PARD3B: variants seen among roughly 807,000 people sequenced by gnomAD.
PARD3B encodes the protein par-3 family cell polarity regulator beta, also known as partitioning defective 3 homolog B.
A neutral mutation model predicts 130.2 loss-of-function variants in PARD3B; 103 were observed. The observed-to-expected ratio is 0.79, with a 90% CI of 0.67 to 0.93. The LOEUF (loss-of-function observed/expected upper bound fraction) is 0.93. Ranked by LOEUF, PARD3B falls within the 40% of genes least tolerant of loss-of-function variation. The pLI is 0.00. For missense variants in PARD3B, 1,609 were observed against 1,499.2 expected, an observed-to-expected ratio of 1.07 and a Z score of -1.21; for synonymous variants, 583 against 553.2, an observed-to-expected ratio of 1.05 and a Z score of -0.76.
intron 22 of PARD3B, among the ~76,000 whole-genome samples, chr2:205,609,426 A>G (rs2055145922): frequency 6.6e-6 from 1 of 152,176 alleles, no homozygotes; most frequent in Non-Finnish European, 1.5e-5. Flanking sequence ...CTTTCTGCCA[A>G]CGGGTACAGG....
intron 2 of PARD3B, among the ~76,000 whole-genome samples, chr2:204,804,414 A>G (rs1448277579): frequency 6.6e-6 from 1 of 152,214 alleles, no homozygotes; most frequent in Non-Finnish European, 1.5e-5. Context: ...GTCATTATAT[A>G]ATGATAAAGG....
chr2:205,466,468 T>C (rs1559120151), intron 20 of PARD3B, among the ~76,000 whole-genome samples: 1 of 152,152 alleles, frequency 6.6e-6, no homozygotes, highest in Non-Finnish European at 1.5e-5. Context: ...GAGAAATCTC[T>C]TGCACCTTAG....
rs1001260783 is a variant in PARD3B at position 204,907,933 on chromosome 2, C to T, written c.223-57219C>T. On this transcript the variant is annotated intron_variant, in intron 2 of 22. Transcript: ENST00000406610. This position sits in a 1 kb window ranked among gnomAD's most constrained non-coding sequence, Gnocchi z 5.7. ...GCCAGGCTGGTCTCAAACTCCTGGC[C>T]TCAAGTGACCTGCCTGCCTCAGCCT... is the stretch of plus-strand genomic sequence containing the variant. 6.6e-6 allele frequency among the ~76,000 whole-genome samples: 1 copy of T among 152,088 alleles called. No homozygotes were observed. Among genetic ancestry groups the T allele is most frequent in the Non-Finnish European group, 1.5e-5 (1 of 68,028 alleles).
chr2:205,483,791 A>C (rs1575133462), intron 20 of PARD3B, among the ~76,000 whole-genome samples: 1 of 152,274 alleles, frequency 6.6e-6, no homozygotes, highest in South Asian at 2.1e-4. Flanking sequence ...ATTCAATTTA[A>C]ACCTTGAGGC....
chr2:205,322,444 G>A (rs564936690), intron 18 of PARD3B, among the ~76,000 whole-genome samples: 15 of 152,224 alleles, frequency 9.9e-5, no homozygotes, highest in African/African-American at 3.6e-4. Context: ...TATCTGTTGA[G>A]GACCAGCACT....
chr2:205,361,900 C>A (rs922492084), intron 18 of PARD3B, among the ~76,000 whole-genome samples: 1 of 152,134 alleles, frequency 6.6e-6, no homozygotes, highest in Non-Finnish European at 1.5e-5. Flanking sequence ...CACCCCCAGG[C>A]GTGGAGCCAA....
rs116639345 is a variant in PARD3B at position 205,018,411 on chromosome 2, T to C, written c.395-29170T>C. ...AGGAAAGAAGTTAGGAGACCAACAT[T>C]CTACCACTTAGTAGCCCTATGACTA... On this transcript the variant is annotated intron_variant, in intron 3 of 22. Coordinates refer to ENST00000406610, the MANE Select transcript of PARD3B (RefSeq NM_001302769.2). 3.6e-3 allele frequency among the ~76,000 whole-genome samples: 549 copies of C among 152,240 alleles called. 2 individuals are homozygous for C. The highest frequency in any genetic ancestry group is 0.012 in the African/African-American group (498 of 41,558).
intron 18 of PARD3B, among the ~76,000 whole-genome samples, chr2:205,384,645 G>A (rs918147545): frequency 6.6e-6 from 1 of 152,114 alleles, no homozygotes; most frequent in Non-Finnish European, 1.5e-5. Context: ...TTAATTTGTG[G>A]TATGGGGAGA....
intron 10 of PARD3B, among the ~76,000 whole-genome samples, chr2:205,136,079 TATATGAAGG>T (rs753832176): frequency 4.5e-4 from 68 of 152,328 alleles, no homozygotes; most frequent in Admixed American, 9.8e-4. Context: ...CTGATTGAGT[TATATGAAGG>T]ACTTCTATCA....
At chr2:205,516,236 C>A (rs1043154322) in intron 21 of PARD3B, among the ~76,000 whole-genome samples, 2 of 152,114 alleles carry the variant, frequency 1.3e-5, no homozygotes, top group Non-Finnish European at 2.9e-5. Flanking sequence ...CATGATACCT[C>A]CTGCTTTGTT....
rs574606988 is a variant in PARD3B, at chr2:205,407,926, G to T, written c.2741+6803G>T. 6.6e-5 allele frequency among the ~76,000 whole-genome samples: 10 copies of T among 152,114 alleles called. No individual in the cohort carries two copies. The highest frequency in any genetic ancestry group is 8.8e-5 in the Non-Finnish European group (6 of 67,984). ...GTTGTATTAATTAAACATTGCTTTC[G>T]TAGATCTTACTAGAATCTTAGCAGG... On this transcript the variant is annotated intron_variant, in intron 19 of 22. Coordinates refer to ENST00000406610, the MANE Select transcript of PARD3B (RefSeq NM_001302769.2). The surrounding 1 kb of genome is among the most constrained non-coding windows in gnomAD (Gnocchi z 4.1).
chr2:204,936,547 A>C (rs754255962), intron 2 of PARD3B, among the ~76,000 whole-genome samples: 51 of 152,170 alleles, frequency 3.4e-4, no homozygotes, highest in Non-Finnish European at 6.3e-4. Flanking sequence ...TAATAATCCC[A>C]TTGAAAAATA....
intron 10 of PARD3B, among the ~76,000 whole-genome samples, chr2:205,152,256 G>A (rs1319531466): frequency 2.6e-5 from 4 of 152,110 alleles, no homozygotes; most frequent in African/African-American, 9.7e-5. Flanking sequence ...CTCTTCTCAA[G>A]GAGTATCTTT....
At chr2:204,731,920 C>T (rs1233192014) in intron 2 of PARD3B, among the ~76,000 whole-genome samples, 1 of 151,926 alleles carries the variant, frequency 6.6e-6, no homozygotes, top group Non-Finnish European at 1.5e-5. Flanking sequence ...TCTCTAACAC[C>T]CGTTTTAGCT....
At chr2:205,531,673 G>C (rs1314666559) in intron 21 of PARD3B, among the ~76,000 whole-genome samples, 1 of 151,988 alleles carries the variant, frequency 6.6e-6, no homozygotes, top group African/African-American at 2.4e-5. Context: ...GAGAGAGACT[G>C]GATATGAAAT....
intron 15 of PARD3B, among the ~76,000 whole-genome samples, chr2:205,197,658 T>G (rs1393963535): frequency 6.6e-6 from 1 of 152,222 alleles, no homozygotes; most frequent in Non-Finnish European, 1.5e-5. Flanking sequence ...GGAAATTTGT[T>G]TTTAAATAAT....
chr2:204,892,753 A>G (rs1205895666), intron 2 of PARD3B, among the ~76,000 whole-genome samples: 1 of 152,130 alleles, frequency 6.6e-6, no homozygotes, highest in Non-Finnish European at 1.5e-5. Flanking sequence ...AGATGTGGGG[A>G]AACAAAAGGA....
At chr2:205,213,697 T>C (rs2037765353) in intron 15 of PARD3B, among the ~76,000 whole-genome samples, 1 of 152,154 alleles carries the variant, frequency 6.6e-6, no homozygotes, top group South Asian at 2.1e-4. Flanking sequence ...GCCCAGAACA[T>C]AGCACCATAC....
At chr2:205,226,527 T>G (rs571409812) in intron 15 of PARD3B, among the ~76,000 whole-genome samples, 42 of 151,576 alleles carry the variant, frequency 2.8e-4, no homozygotes, top group Non-Finnish European at 5.6e-4. Flanking sequence ...TAGATTTGAT[T>G]TTTTTTTATA....
Sources: allele counts gnomAD v4.1 joint callset (sites outside exome capture counted in the v4.1 genomes callset), GRCh38; gene constraint gnomAD v4.1.1; non-coding constraint Gnocchi (gnomAD v3.1); transcripts MANE v1.5; gene names NCBI Gene and HGNC (gene_info 2026-07-23, HGNC 2026-07-21).